The following C4orf17 variants were observed in gnomAD, a reference collection of about 807,000 sequenced individuals.
C4orf17 encodes chromosome 4 open reading frame 17.
C4orf17 carries 25 observed loss-of-function variants against 32.0 expected under a neutral mutation model. The ratio of observed to expected loss-of-function variants is 0.78; its 90% CI spans 0.57 to 1.09. C4orf17 has a LOEUF of 1.09. Ranked by LOEUF, C4orf17 falls within the 50% of genes least tolerant of loss-of-function variation. The pLI is 0.00. For missense variants in C4orf17, 420 were observed against 420.0 expected, an observed-to-expected ratio of 1.00 and a Z score of 0.00; for synonymous variants, 149 against 145.8, an observed-to-expected ratio of 1.02 and a Z score of -0.16.
Position 99,518,542 on chromosome 4 carries a change from T to G in C4orf17, c.128-3958T>G, listed in dbSNP as rs79892509. On this transcript the variant is annotated intron_variant, in intron 2 of 8. Transcript: ENST00000326581. ...AAATATATATATATATATATATATA[T>G]ATAGAGAGAGAGAGAGAGAGAGAGA... 5.0e-3 allele frequency among the ~76,000 whole-genome samples: 302 copies of G among 60,052 alleles called. 2 individuals carry two copies. The highest frequency in any genetic ancestry group is 6.1e-3 in the Non-Finnish European group (215 of 35,080). 39.4% of individuals were successfully genotyped at this position (60,052 alleles called of 152,430 possible). A position where few individuals can be genotyped will look rare whatever the true frequency, so the allele number is the denominator to read the frequency against.
chr4:99,518,499 AAAAAAAAAAAAAAAAAAAAATAT>A (rs1208531829), intron 2 of C4orf17, among the ~76,000 whole-genome samples: 4 of 53,420 alleles, frequency 7.5e-5, no homozygotes, highest in African/African-American at 4.1e-4. Flanking sequence ...AAAAAAAAAA[AAAAAAAAAAAAAAAAAAAAATAT>A]ATATATATAT....
At chr4:99,515,112 A>T (rs1723156391) in intron 2 of C4orf17, among the ~76,000 whole-genome samples, 1 of 152,190 alleles carries the variant, frequency 6.6e-6, no homozygotes, top group Admixed American at 6.5e-5. Context: ...AAGGTTAAAA[A>T]GCGGGTGAGG....
intron 3 of C4orf17, among the ~76,000 whole-genome samples, chr4:99,524,009 T>C (rs1281609768): frequency 6.7e-6 from 1 of 148,874 alleles, no homozygotes; most frequent in Non-Finnish European, 1.5e-5. Context: ...AGACGGAGTC[T>C]TGCTCTGTCG....
chr4:99,535,256 AG>A (rs1723543770), intron 5 of C4orf17, among the ~76,000 whole-genome samples: 1 of 152,070 alleles, frequency 6.6e-6, no homozygotes, highest in Non-Finnish European at 1.5e-5. Context: ...AGGGTTCTCC[AG>A]ATTTCCTGAA....
chr4:99,525,622 G>A (rs568262029), intron 4 of C4orf17, among the ~76,000 whole-genome samples: 6 of 152,034 alleles, frequency 3.9e-5, no homozygotes, highest in Non-Finnish European at 7.4e-5. Flanking sequence ...GTGAAACCCC[G>A]TCTCTACTAA....
In C4orf17 at chr4:99,529,120, G is replaced by C. The variant is rs528591788; in HGVS notation, c.403-695G>C. On this transcript the variant is annotated intron_variant, in intron 4 of 8. Coordinates refer to ENST00000326581, the MANE Select transcript of C4orf17 (RefSeq NM_032149.3). ...ATCAATTCCAATCATCAAAATCCCA[G>C]GTTGTTGGCTCATTTAGGCACTAAG... Among the ~76,000 whole-genome samples, 4 of 152,108 alleles carry C rather than the reference G, an allele frequency of 2.6e-5. No homozygotes were observed. The South Asian group carries it at 8.3e-4, about 32-fold the overall frequency.
At chr4:99,527,760 G>GCCAATAATTGAGTAGCCAATA (rs1486564914) in intron 4 of C4orf17, among the ~76,000 whole-genome samples, 3 of 152,206 alleles carry the variant, frequency 2.0e-5, no homozygotes, top group African/African-American at 7.2e-5. Context: ...TAGCCTTACT[G>GCCAATAATTGAGTAGCCAATA]ATTGGCTACT....
At chr4:99,540,521 G>A (rs1723637482) in intron 8 of C4orf17, 66 bp downstream of exon 8, 1 of 1,029,502 alleles carries the variant, frequency 9.7e-7, no homozygotes, top group Non-Finnish European at 1.5e-6. Context: ...AATGACTCAG[G>A]GAACAGATTT....
At chr4:99,531,047 G>A (rs1237743963) in intron 5 of C4orf17, among the ~76,000 whole-genome samples, 1 of 151,838 alleles carries the variant, frequency 6.6e-6, no homozygotes. Context: ...TTTCAGTATT[G>A]CTTACTCAGA....
intron 2 of C4orf17, among the ~76,000 whole-genome samples, chr4:99,514,944 C>A (rs1403681677): frequency 2.6e-5 from 4 of 152,174 alleles, no homozygotes; most frequent in South Asian, 2.1e-4. Flanking sequence ...GAAATAATGT[C>A]TTTTGCAGCG....
chr4:99,539,445 T>G, intron 7 of C4orf17, 75 bp downstream of exon 7: 1 of 1,210,556 alleles, frequency 8.3e-7, no homozygotes, highest in Non-Finnish European at 1.2e-6. Flanking sequence ...GTTATTTATC[T>G]TTCAAAATGT....
At chr4:99,536,684 T>C (rs10031512) in intron 5 of C4orf17, among the ~76,000 whole-genome samples, 53,725 of 151,982 alleles carry the variant, frequency 0.35, 10,194 homozygotes, top group African/African-American at 0.49. Context: ...CTGTCTCAGA[T>C]TATGTAGAGG....
In C4orf17 at chr4:99,529,911, A is replaced by G; in HGVS notation, c.499A>G (p.Lys167Glu). The G allele has an allele frequency of 6.2e-7, 1 of 1,613,018 alleles. No individual in the cohort carries two copies. Among genetic ancestry groups the G allele is most frequent in the South Asian group, 1.1e-5 (1 of 91,024 alleles). Residue 167 changes from lysine to glutamate, a missense_variant, in exon 5 of 9, where the codon AAA becomes GAA. Lys to Glu is a moderately conservative substitution (Grantham distance 56). Transcript: ENST00000326581. ...SGMTSTKNDV[K>E]ANTICIPNYL... ...GATGACAAGTACCAAGAATGATGTGAAAGCAAACACCATTTGCATACCAAA... is the reference window on the plus strand; with the variant it reads ...GATGACAAGTACCAAGAATGATGTGGAAGCAAACACCATTTGCATACCAAA...
Position 99,514,997 on chromosome 4 carries a change from C to A in C4orf17, c.127+1789C>A, listed in dbSNP as rs75994099. ...GGCCATTATTCTAAGTGAAGTAACT[C>A]AGGAATGGAAAACCAAAGATCATAT... On this transcript the variant is annotated intron_variant, in intron 2 of 8. Transcript: ENST00000326581. Among the ~76,000 whole-genome samples, 2,291 of 152,142 alleles carry A rather than the reference C, an allele frequency of 0.015. 408 individuals are homozygous for A. The East Asian group carries it at 0.39, about 26-fold the overall frequency.
At chr4:99,530,026 T>A in intron 5 of C4orf17, 68 bp downstream of exon 5, 1 of 1,265,184 alleles carries the variant, frequency 7.9e-7, no homozygotes, top group Non-Finnish European at 1.1e-6. Flanking sequence ...TTTATACCAC[T>A]AGCATCCTTA....
At chr4:99,537,818 T>C in intron 6 of C4orf17, 68 bp downstream of exon 6, 1 of 1,122,722 alleles carries the variant, frequency 8.9e-7, no homozygotes, top group South Asian at 1.2e-5. Flanking sequence ...AATATGCCAA[T>C]ATCTGAAGTT....
At chr4:99,519,622 G>A (rs1048206194) in intron 2 of C4orf17, among the ~76,000 whole-genome samples, 1 of 152,272 alleles carries the variant, frequency 6.6e-6, no homozygotes, top group Admixed American at 6.5e-5. Context: ...ATTTTAAATA[G>A]GATTTATATT....
chr4:99,522,627 C>CTG lies in C4orf17; in HGVS notation c.255_256insTG (p.Ser86Ter). 4 of 1,613,426 alleles carry CTG rather than the reference C, an allele frequency of 2.5e-6. No individual in the cohort carries two copies. The highest frequency in any genetic ancestry group is 3.4e-6 in the Non-Finnish European group (4 of 1,179,562). On this transcript the variant is annotated frameshift_variant, in exon 3 of 9. Transcript: ENST00000326581. LOFTEE classifies it high-confidence loss of function. The stretch of plus-strand genomic sequence containing the variant: ...CATTTGCCAATTGCAGTTACCCCTC[C>CTG]AGCACTGCAGTCCAGGAGAGCCCTG...
chr4:99,538,034 A>G (rs958082834), intron 6 of C4orf17, among the ~76,000 whole-genome samples: 11 of 152,166 alleles, frequency 7.2e-5, no homozygotes, highest in Non-Finnish European at 1.5e-4. Flanking sequence ...GAGTTGGTTT[A>G]TGCTCCTCCA....
Sources: allele counts gnomAD v4.1 joint callset (sites outside exome capture counted in the v4.1 genomes callset), GRCh38; gene constraint gnomAD v4.1.1; transcripts MANE v1.5; gene names NCBI Gene and HGNC (gene_info 2026-07-23, HGNC 2026-07-21).